The following ADAM32 variants were observed in gnomAD, a reference collection of about 807,000 sequenced individuals.
The protein encoded by ADAM32 is disintegrin and metalloproteinase domain-containing protein 32.
A neutral mutation model predicts 114.9 loss-of-function variants in ADAM32; 89 were observed. That is an observed-to-expected ratio of 0.77 (90% CI 0.65 to 0.92). ADAM32 has a LOEUF of 0.92. Among genes scored for constraint, ADAM32 ranks in the 40% least tolerant of loss-of-function variants. The pLI, the probability that ADAM32 is intolerant of heterozygous loss-of-function variation, is 0.00. For synonymous variants in ADAM32, 285 were observed against 307.5 expected (o/e 0.93, Z 0.77); for missense variants, 870 against 932.8 (o/e 0.93, Z 0.88).
rs540305681 is a variant in ADAM32, at chr8:39,171,862, T to A, written c.915+1865T>A. On this transcript the variant is annotated intron_variant, in intron 10 of 24. Coordinates refer to ENST00000379907, the MANE Select transcript of ADAM32 (RefSeq NM_145004.7). ...ATTTTATGTAATATCTATATATATG[T>A]TAAACAATGTCCACTGTTTGCTTGC... Among the ~76,000 whole-genome samples the A allele has an allele frequency of 3.4e-3, 512 of 151,354 alleles. 7 individuals are homozygous for A. The highest frequency in any genetic ancestry group is 0.011 in the African/African-American group (467 of 41,424).
chr8:39,189,546 T>C (rs997342267), intron 11 of ADAM32, among the ~76,000 whole-genome samples: 1 of 152,168 alleles, frequency 6.6e-6, no homozygotes, highest in African/African-American at 2.4e-5. Flanking sequence ...TCTGTATACG[T>C]GTGTGATGAT....
At chr8:39,191,241 C>T (rs970848124) in intron 11 of ADAM32, among the ~76,000 whole-genome samples, 8 of 152,236 alleles carry the variant, frequency 5.3e-5, no homozygotes, top group South Asian at 2.1e-4. Context: ...TATGATAGAA[C>T]GATTTATATT....
chr8:39,278,366 C>T (rs114641242), intron 22 of ADAM32, among the ~76,000 whole-genome samples: 368 of 152,204 alleles, frequency 2.4e-3, no homozygotes, highest in African/African-American at 8.0e-3. Flanking sequence ...TCCGGCTTTT[C>T]GGCTTGAGGG....
intron 2 of ADAM32, among the ~76,000 whole-genome samples, chr8:39,126,354 A>C (rs1453815711): frequency 6.6e-6 from 1 of 152,076 alleles, no homozygotes; most frequent in African/African-American, 2.4e-5. Flanking sequence ...GATTTCTTTG[A>C]GGAGTGGTTT....
chr8:39,197,743 A>G (rs1414230059), intron 11 of ADAM32, among the ~76,000 whole-genome samples: 3 of 152,182 alleles, frequency 2.0e-5, no homozygotes, highest in Admixed American at 6.5e-5. Context: ...CATGTGGACT[A>G]TGCTGGAGAA....
chr8:39,215,481 C>T (rs549975059), intron 12 of ADAM32, among the ~76,000 whole-genome samples: 1 of 151,864 alleles, frequency 6.6e-6, no homozygotes, highest in South Asian at 2.1e-4. Flanking sequence ...TTCACTGTTA[C>T]CATATAGAAA....
rs1398569163 is a variant in ADAM32 at position 39,246,186 on chromosome 8, C to T, written c.1902+20C>T. On this transcript the variant is annotated intron_variant, in intron 17 of 24. Coordinates refer to ENST00000379907, the MANE Select transcript of ADAM32 (RefSeq NM_145004.7). ...CATGGAGTAAGTAACCACATGTTTC[C>T]CTGAATCACATTTCTTGGACACTTT... The T allele has an allele frequency of 6.3e-6, 10 of 1,599,494 alleles. No individual in the cohort carries two copies. The highest frequency in any genetic ancestry group is 7.7e-6 in the Non-Finnish European group (9 of 1,171,304).
chr8:39,209,261 C>T (rs537339348), intron 11 of ADAM32, among the ~76,000 whole-genome samples: 28 of 152,254 alleles, frequency 1.8e-4, no homozygotes, highest in African/African-American at 5.5e-4. Context: ...CTTCTGCTTT[C>T]GAGACCCTCT....
intron 7 of ADAM32, among the ~76,000 whole-genome samples, chr8:39,161,265 G>T (rs1255424861): frequency 6.6e-6 from 1 of 152,180 alleles, no homozygotes; most frequent in African/African-American, 2.4e-5. Flanking sequence ...GATTTTGGTG[G>T]AAGTGAAATT....
At position 39,107,739 on chromosome 8, in the gene ADAM32, C is replaced by T. The variant is rs1249527376; in HGVS notation, c.-37C>T. 2.6e-6 allele frequency: 4 copies of T among 1,550,298 alleles called. No individual in the cohort carries two copies. In the Admixed American group the frequency reaches 5.9e-5, roughly 23 times the overall value. On this transcript the variant is annotated 5_prime_UTR_variant, in exon 1 of 25. Coordinates refer to ENST00000379907, the MANE Select transcript of ADAM32 (RefSeq NM_145004.7). Reference sequence around the variant, plus strand: ...CCGCGTCCCTGGCAATTCCCGACTTCCCAACGGCTTCCCGCTGGCAGCCCC... The same window carrying T: ...CCGCGTCCCTGGCAATTCCCGACTTTCCAACGGCTTCCCGCTGGCAGCCCC...
chr8:39,126,576 G>A (rs911068723), intron 2 of ADAM32, among the ~76,000 whole-genome samples: 2 of 152,136 alleles, frequency 1.3e-5, no homozygotes, highest in Non-Finnish European at 2.9e-5. Flanking sequence ...AAGCTTTTGG[G>A]CTGAGAGGAT....
At chr8:39,212,119 C>T (rs1038037090) in intron 12 of ADAM32, among the ~76,000 whole-genome samples, 16 of 152,186 alleles carry the variant, frequency 1.1e-4, no homozygotes, top group African/African-American at 2.6e-4. Flanking sequence ...TGGGTTCAAG[C>T]GGTTCTCCTG....
intron 10 of ADAM32, among the ~76,000 whole-genome samples, chr8:39,184,057 CT>C (rs1372490930): frequency 3.9e-5 from 6 of 152,216 alleles, no homozygotes; most frequent in African/African-American, 1.4e-4. Context: ...TTATCACTGG[CT>C]TCTGTTGATG....
intron 10 of ADAM32, among the ~76,000 whole-genome samples, chr8:39,179,320 G>A (rs1204748272): frequency 1.3e-5 from 2 of 152,222 alleles, no homozygotes; most frequent in African/African-American, 2.4e-5. Context: ...TCTCCAGCCT[G>A]CTGCTACTGG....
intron 11 of ADAM32, among the ~76,000 whole-genome samples, chr8:39,192,375 T>C (rs1013900575): frequency 2.0e-5 from 3 of 152,208 alleles, no homozygotes; most frequent in African/African-American, 4.8e-5. Context: ...GGTAGATTTT[T>C]CTCCATTCTT....
chr8:39,203,538 A>T lies in ADAM32; in HGVS notation c.1053-7606A>T, dbSNP rs550737082. Among the ~76,000 whole-genome samples, 268 of 151,996 alleles carry T rather than the reference A, an allele frequency of 1.8e-3. 1 individual carries two copies. Among genetic ancestry groups the T allele is most frequent in the Non-Finnish European group, 3.2e-3 (218 of 67,996 alleles). The stretch of plus-strand genomic sequence containing the variant: ...GCCTATGTGTGTCTCTGCATGGGAG[A>T]TGGGTCTCCTGAATACAGCACACTG... On this transcript the variant is annotated intron_variant, in intron 11 of 24. Transcript: ENST00000379907.
At chr8:39,141,717 G>A (rs749017198) in intron 3 of ADAM32, among the ~76,000 whole-genome samples, 15 of 152,054 alleles carry the variant, frequency 9.9e-5, no homozygotes, top group Non-Finnish European at 1.3e-4. Context: ...CACTTGGTCC[G>A]GAGCTGAGTT....
chr8:39,161,408 T>A (rs1027629470), intron 7 of ADAM32, among the ~76,000 whole-genome samples: 2 of 152,178 alleles, frequency 1.3e-5, no homozygotes, highest in African/African-American at 4.8e-5. Context: ...AGAAGTTTTT[T>A]AGCAGTTTTT....
chr8:39,118,718 C>T (rs1049282191), intron 2 of ADAM32, among the ~76,000 whole-genome samples: 4 of 152,156 alleles, frequency 2.6e-5, no homozygotes, highest in African/African-American at 7.2e-5. Flanking sequence ...TTATAAGTGA[C>T]CAATCTTTTG....
Sources: gnomAD v4.1 joint callset for allele counts (sites outside exome capture counted in the v4.1 genomes callset) on GRCh38, gnomAD v4.1.1 for gene constraint, MANE v1.5 for transcripts, NCBI Gene and HGNC (gene_info 2026-07-23, HGNC 2026-07-21) for gene names.